TSC2: variants seen among roughly 807,000 people sequenced by gnomAD.
TSC2 encodes the protein TSC complex subunit 2.
Under a neutral mutation model 202.2 loss-of-function variants are expected in TSC2, and 29 were observed. The ratio of observed to expected loss-of-function variants is 0.14; its 90% CI spans 0.11 to 0.20. The LOEUF (loss-of-function observed/expected upper bound fraction) is 0.20, where lower values mean the gene tolerates loss of function less well. Among genes scored for constraint, TSC2 ranks in the 10% least tolerant of loss-of-function variants. The pLI, the probability that TSC2 is intolerant of heterozygous loss-of-function variation, is 1.00. For synonymous variants in TSC2, 1,349 were observed against 1,044.0 expected, an observed-to-expected ratio of 1.29 and a Z score of -5.63; for missense variants, 2,429 against 2,420.0, an observed-to-expected ratio of 1.00 and a Z score of -0.08.
chr16:2,064,819 C>T (rs2087095622), intron 15 of TSC2: 2 of 325,010 alleles, frequency 6.2e-6, no homozygotes, highest in Admixed American at 9.0e-5. Flanking sequence ...TGCTTTTGAG[C>T]AATAAAGATG....
chr16:2,076,262 G>T, intron 24 of TSC2, 92 bp downstream of exon 24: 4 of 1,581,766 alleles, frequency 2.5e-6, no homozygotes, highest in Non-Finnish European at 3.4e-6. Flanking sequence ...TGACAGGCAG[G>T]TGGAGGGCAG....
intron 1 of TSC2, 119 bp downstream of exon 1, chr16:2,048,184 G>C (rs899619462): frequency 1.9e-5 from 29 of 1,536,764 alleles, no homozygotes; most frequent in Non-Finnish European, 2.5e-5. Context: ...CCCGACTCCG[G>C]AGCTCCGAGC....
At chr16:2,083,883 C>A in intron 33 of TSC2, 67 bp downstream of exon 33, 2 of 1,556,936 alleles carry the variant, frequency 1.3e-6, no homozygotes, top group Non-Finnish European at 8.7e-7. Flanking sequence ...CAGGGCTCTG[C>A]GTGGGTGTGC....
intron 36 of TSC2, 147 bp downstream of exon 36, chr16:2,085,469 C>G (rs2090659328): frequency 4.4e-6 from 4 of 901,394 alleles, no homozygotes; most frequent in Non-Finnish European, 5.2e-6. Context: ...AGCTCTGTGC[C>G]AGGTGCTGCT....
At position 2,048,015 on chromosome 16, in the gene TSC2, T is replaced by A. The variant is rs1340007069; in HGVS notation, c.-80T>A. On this transcript the variant is annotated 5_prime_UTR_variant, in exon 1 of 42. Transcript: ENST00000219476. ...CGGCGGCGTCCCGGGGCCAGGGGGG[T>A]GCGCCTTTCTCCGCGTCGGGGCGGC... 6.1e-6 allele frequency: 9 copies of A among 1,464,478 alleles called. No individual in the cohort carries two copies. In the East Asian group the frequency reaches 1.8e-4, roughly 30 times the overall value. The allele number at this position is 1,464,478 out of a possible 1,614,324, so 90.7% of individuals were successfully genotyped here.
intron 32 of TSC2, chr16:2,082,803 G>A: frequency 3.8e-6 from 2 of 529,836 alleles, no homozygotes; most frequent in Non-Finnish European, 6.9e-6. Flanking sequence ...CAGCTGAGCT[G>A]CAGACTCTGA....
At chr16:2,050,154 A>G (rs1418573757) in intron 2 of TSC2, among the ~76,000 whole-genome samples, 1 of 152,032 alleles carries the variant, frequency 6.6e-6, no homozygotes, top group Non-Finnish European at 1.5e-5. Flanking sequence ...ACAGGGTTTC[A>G]TCATGTTGGG....
At chr16:2,076,461 C>T (rs1357190030) in intron 24 of TSC2, 30 bp from the exon 25 acceptor site, 3 of 1,612,508 alleles carry the variant, frequency 1.9e-6, no homozygotes, top group Non-Finnish European at 2.5e-6. Flanking sequence ...ATTGCCACCC[C>T]TCACTGTCTG....
At chr16:2,076,320 G>A (rs1393263035) in intron 24 of TSC2, 150 bp downstream of exon 24, 4 of 1,558,504 alleles carry the variant, frequency 2.6e-6, no homozygotes, top group Non-Finnish European at 3.5e-6. Flanking sequence ...GCTCTGCTGG[G>A]CAGCCTGCAG....
chr16:2,072,514 T>C lies in TSC2; in HGVS notation c.2220+151T>C, dbSNP rs111644032. 1.5e-5 allele frequency: 19 copies of C among 1,294,688 alleles called. No individual in the cohort carries two copies. The African/African-American group carries it at 2.2e-4, about 15-fold the overall frequency. The allele number at this position is 1,294,688 out of a possible 1,614,324, so 80.2% of individuals were successfully genotyped here. A position where few individuals can be genotyped will look rare whatever the true frequency, so the allele number is the denominator to read the frequency against. On this transcript the variant is annotated intron_variant, in intron 20 of 41. Transcript: ENST00000219476. ...GCACTCTGGAGCGCAGATTGTGCCT[T>C]GGGCAGGGTGGAGGGACCCCTGCCC...
chr16:2,054,789 C>A, intron 5 of TSC2: 1 of 404,414 alleles, frequency 2.5e-6, no homozygotes, highest in South Asian at 2.2e-5. Context: ...TCTTCCTCCT[C>A]CTTTCTCCAC....
At chr16:2,060,904 T>G (rs1414688122) in intron 11 of TSC2, 91 bp downstream of exon 11, 21 of 1,510,504 alleles carry the variant, frequency 1.4e-5, no homozygotes, top group Non-Finnish European at 1.9e-5. Context: ...GCCCCATCTC[T>G]GGGGGTCCCG....
At chr16:2,067,801 C>A (rs1185315809) in intron 16 of TSC2, among the ~76,000 whole-genome samples, 1 of 152,130 alleles carries the variant, frequency 6.6e-6, no homozygotes, top group African/African-American at 2.4e-5. Flanking sequence ...ACAGGCATCA[C>A]CTCCTTGGTG....
At chr16:2,072,445 G>A in intron 20 of TSC2, 82 bp downstream of exon 20, 1 of 1,581,678 alleles carries the variant, frequency 6.3e-7, no homozygotes, top group Non-Finnish European at 8.6e-7. Flanking sequence ...GGCAGAGCGA[G>A]TGAGACCCTT....
intron 7 of TSC2, 56 bp from the exon 8 acceptor site, chr16:2,056,588 C>T (rs2151075941): frequency 6.3e-7 from 1 of 1,598,468 alleles, no homozygotes; most frequent in South Asian, 1.1e-5. Flanking sequence ...TGGGTGTCCT[C>T]TCCTGTGGGG....
At chr16:2,078,967 T>C in intron 26 of TSC2, 65 bp from the exon 27 acceptor site, 1 of 1,604,134 alleles carries the variant, frequency 6.2e-7, no homozygotes, top group Non-Finnish European at 8.5e-7. Flanking sequence ...CTTTGGCCCT[T>C]GGTGATAGGT....
rs754306983 is a variant in TSC2, at chr16:2,080,286, C to G, written c.3519C>G (p.Thr1173=). ...AACCTGAGAAGGCCTCAGCTGGCAC[C>G]CGGGTTCCTGTGCAGGAGAAGACGA... ...AAKPEKASAG[T]RVPVQEKTNL... The change falls in exon 30 of 42, where the codon ACC becomes ACG. Residue 1173 remains threonine, a synonymous_variant. Coordinates refer to ENST00000219476, the MANE Select transcript of TSC2 (RefSeq NM_000548.5). 6.2e-7 allele frequency: 1 copy of G among 1,612,970 alleles called. No homozygotes were observed. The highest frequency in any genetic ancestry group is 1.1e-5 in the South Asian group (1 of 91,090).
chr16:2,079,354 G>A lies in TSC2; in HGVS notation c.3210G>A (p.Thr1070=), dbSNP rs539927192. The A allele has an allele frequency of 7.4e-6, 12 of 1,612,958 alleles. No individual in the cohort carries two copies. Among genetic ancestry groups the A allele is most frequent in the Middle Eastern group, 1.6e-4 (1 of 6,062 alleles). The change falls in exon 28 of 42, where the codon ACG becomes ACA. Residue 1070 remains threonine (T), a synonymous_variant. Transcript: ENST00000219476. The surrounding 1 kb of genome is among the most constrained non-coding windows in gnomAD (Gnocchi z 4.6). ...WLVGNKLVTV[T]TSVGTGTRSL... is the part of the protein sequence containing the mutation. ...TTGGGAACAAGCTTGTCACTGTGACGACAAGCGTGGGAACCGGGACCCGGT... is the reference window on the plus strand; with the variant it reads ...TTGGGAACAAGCTTGTCACTGTGACAACAAGCGTGGGAACCGGGACCCGGT...
intron 4 of TSC2, 94 bp from the exon 5 acceptor site, chr16:2,054,202 C>A (rs1596264085): frequency 1.3e-6 from 2 of 1,598,688 alleles, no homozygotes; most frequent in Non-Finnish European, 1.7e-6. Flanking sequence ...GGGTCCAGGG[C>A]TGGAGTCCGG....
Sources: allele counts gnomAD v4.1 joint callset (sites outside exome capture counted in the v4.1 genomes callset), GRCh38; gene constraint gnomAD v4.1.1; non-coding constraint Gnocchi (gnomAD v3.1); transcripts MANE v1.5; gene names NCBI Gene and HGNC (gene_info 2026-07-23, HGNC 2026-07-21).